The following IL16 variants were observed in gnomAD, a reference collection of about 807,000 sequenced individuals.
IL16 encodes the protein pro-interleukin-16.
Under a neutral mutation model 110.1 loss-of-function variants are expected in IL16, and 67 were observed. The observed-to-expected ratio is 0.61, with a 90% CI of 0.50 to 0.75. The LOEUF (loss-of-function observed/expected upper bound fraction) is 0.75. IL16 is among the 30% of genes least tolerant of loss of function. The pLI, the probability that IL16 is intolerant of heterozygous loss-of-function variation, is 0.00. For missense variants in IL16, 1,545 were observed against 1,655.0 expected, an observed-to-expected ratio of 0.93 and a Z score of 1.15; for synonymous variants, 689 against 662.9, an observed-to-expected ratio of 1.04 and a Z score of -0.61.
chr15:81,285,624 G>A (rs1899410468), intron 9 of IL16, 74 bp from the exon 10 acceptor site: 1 of 1,502,986 alleles, frequency 6.7e-7, no homozygotes, highest in African/African-American at 1.4e-5. Flanking sequence ...GCCAGGAGTG[G>A]GCCCCTGGGG....
intron 1 of IL16, among the ~76,000 whole-genome samples, chr15:81,184,624 CA>C (rs1422131124): frequency 6.6e-6 from 1 of 152,194 alleles, no homozygotes; most frequent in African/African-American, 2.4e-5. Flanking sequence ...CACCTCGGTC[CA>C]GGGGTGAGGA....
At chr15:81,206,678 C>T (rs1010958966) in intron 1 of IL16, among the ~76,000 whole-genome samples, 1 of 152,126 alleles carries the variant, frequency 6.6e-6, no homozygotes, top group African/African-American at 2.4e-5. Context: ...AACAGCAACA[C>T]TAAATCTGGG....
At chr15:81,229,638 A>G (rs944296404) in intron 2 of IL16, among the ~76,000 whole-genome samples, 1 of 152,172 alleles carries the variant, frequency 6.6e-6, no homozygotes, top group African/African-American at 2.4e-5. Context: ...CAAAGGTTCC[A>G]GGTCAGCAAG....
At chr15:81,288,848 T>C (rs200535437) in intron 10 of IL16, among the ~76,000 whole-genome samples, 10 of 150,862 alleles carry the variant, frequency 6.6e-5, no homozygotes, top group Non-Finnish European at 1.3e-4. Context: ...TGTGTGTGTG[T>C]GCGTGTGTGT....
Position 81,313,307 on chromosome 15 carries a change from C to A in IL16, c.*4509C>A. 6.3e-7 allele frequency: 1 copy of A among 1,579,608 alleles called. No homozygotes were observed. The highest frequency in any genetic ancestry group is 1.2e-5 in the South Asian group (1 of 84,682). On this transcript the variant is annotated 3_prime_UTR_variant, in exon 19 of 19. Transcript: ENST00000683961. ...TCTGAAGGTTGGCATAAAACCGGGTCATGCTGCGGGGGAAGAAGGAGTCCA... is the reference window on the plus strand; with the variant it reads ...TCTGAAGGTTGGCATAAAACCGGGTAATGCTGCGGGGGAAGAAGGAGTCCA...
Position 81,308,704 on chromosome 15 carries a change from ACAT to A in IL16, c.3911_3913del (p.Ile1304del), listed in dbSNP as rs1900697760. The A allele has an allele frequency of 6.2e-6, 10 of 1,613,904 alleles. No individual in the cohort carries two copies. Among genetic ancestry groups the A allele is most frequent in the South Asian group, 1.1e-5 (1 of 91,092 alleles). On this transcript the variant is annotated inframe_deletion, in exon 19 of 19. Transcript: ENST00000683961. ...GGCCTCACACGGTTTGAAGCCTGGA[ACAT>A]CATCAAGGCACTGCCTGATGGACCT...
intron 6 of IL16, among the ~76,000 whole-genome samples, chr15:81,274,746 G>A (rs897227650): frequency 6.6e-6 from 1 of 152,190 alleles, no homozygotes; most frequent in African/African-American, 2.4e-5. Context: ...AGTGTGGAGT[G>A]GTTGCAGCTC....
intron 12 of IL16, chr15:81,295,568 C>A: frequency 1.7e-6 from 2 of 1,167,456 alleles, no homozygotes; most frequent in Non-Finnish European, 2.3e-6. Flanking sequence ...GGACAAGAGA[C>A]TTAGAGATCA....
intron 1 of IL16, among the ~76,000 whole-genome samples, chr15:81,204,893 G>T (rs1230498500): frequency 6.6e-6 from 1 of 152,144 alleles, no homozygotes; most frequent in Non-Finnish European, 1.5e-5. Context: ...ATAGGGCAGA[G>T]CAAGAGCCTG....
intron 12 of IL16, among the ~76,000 whole-genome samples, chr15:81,294,293 C>A (rs1899881285): frequency 1.3e-5 from 2 of 152,296 alleles, no homozygotes; most frequent in South Asian, 4.1e-4. Flanking sequence ...TGTTCTCCCA[C>A]CCCCTCTTTT....
Position 81,313,386 on chromosome 15 carries a change from T to C in IL16, c.*4588T>C. 1 of 1,564,782 alleles carries C rather than the reference T, an allele frequency of 6.4e-7. No homozygotes were observed. The highest frequency in any genetic ancestry group is 8.7e-7 in the Non-Finnish European group (1 of 1,153,996). ...GTCGGTATGGAAGAATGTGACCAGG[T>C]TGGTCTTGGTGGGTTCCCTGTGAAG... On this transcript the variant is annotated 3_prime_UTR_variant, in exon 19 of 19. Transcript: ENST00000683961.
chr15:81,249,333 T>G (rs1897684516), intron 2 of IL16, among the ~76,000 whole-genome samples: 1 of 152,204 alleles, frequency 6.6e-6, no homozygotes, highest in Non-Finnish European at 1.5e-5. Context: ...CTTGGGTCAC[T>G]TCTCTTCTTT....
intron 1 of IL16, among the ~76,000 whole-genome samples, chr15:81,200,230 G>T (rs2141950924): frequency 6.6e-6 from 1 of 151,428 alleles, no homozygotes; most frequent in Non-Finnish European, 1.5e-5. Context: ...AAAGTTTTTA[G>T]TTATATATAT....
rs763487740 is a variant in IL16 at position 81,269,540 on chromosome 15, A to G, written c.567A>G (p.Gly189=). 9 of 1,612,652 alleles carry G rather than the reference A, an allele frequency of 5.6e-6. No individual in the cohort carries two copies. The highest frequency in any genetic ancestry group is 1.6e-4 in the Middle Eastern group (1 of 6,078). Residue 189 remains glycine, a splice_region_variant and synonymous_variant, in exon 5 of 19, where the codon GGA becomes GGG. Transcript: ENST00000683961. ...QLDCPAGKAA[G]TSRPTRSLST... is the part of the protein sequence containing the mutation. Reference sequence around the variant, plus strand: ...CCTACTCTGGTTCCTTGTTGCAGGGAACTTCGAGACCAACACGGTCCCTGA... The same window carrying G: ...CCTACTCTGGTTCCTTGTTGCAGGGGACTTCGAGACCAACACGGTCCCTGA...
At chr15:81,247,661 C>G (rs1282978318) in intron 2 of IL16, among the ~76,000 whole-genome samples, 1 of 152,046 alleles carries the variant, frequency 6.6e-6, no homozygotes, top group Admixed American at 6.6e-5. Context: ...GTGTGTAGTT[C>G]TATGCTATTT....
chr15:81,220,139 A>G (rs1425704814), intron 1 of IL16, among the ~76,000 whole-genome samples: 3 of 152,054 alleles, frequency 2.0e-5, no homozygotes, highest in Admixed American at 2.0e-4. Context: ...CCTATTAAAG[A>G]TACTTCTTTT....
intron 2 of IL16, among the ~76,000 whole-genome samples, chr15:81,243,139 A>G (rs1332285902): frequency 1.1e-5 from 1 of 92,396 alleles, no homozygotes; most frequent in African/African-American, 4.1e-5. Flanking sequence ...TATTAGCTAT[A>G]TAAGTATATA....
At chr15:81,204,615 T>C (rs1468388835) in intron 1 of IL16, among the ~76,000 whole-genome samples, 1 of 152,196 alleles carries the variant, frequency 6.6e-6, no homozygotes, top group East Asian at 1.9e-4. Flanking sequence ...GTTTATATGC[T>C]GGATTACGTT....
upstream of IL16, among the ~76,000 whole-genome samples, chr15:81,192,093 A>G (rs1347919176): frequency 6.6e-6 from 1 of 152,222 alleles, no homozygotes; most frequent in African/African-American, 2.4e-5. Flanking sequence ...GCACAACACA[A>G]TGGGTGAACC....
Sources: gnomAD v4.1 joint callset for allele counts (sites outside exome capture counted in the v4.1 genomes callset) on GRCh38, gnomAD v4.1.1 for gene constraint, MANE v1.5 for transcripts, NCBI Gene and HGNC (gene_info 2026-07-23, HGNC 2026-07-21) for gene names.